Variants in GDA observed in about 807,000 individuals in gnomAD.
GDA encodes guanine deaminase.
A neutral mutation model predicts 59.6 loss-of-function variants in GDA; 18 were observed. The ratio of observed to expected loss-of-function variants is 0.30; its 90% CI spans 0.21 to 0.45. GDA has a LOEUF of 0.45. Ranked by LOEUF, GDA falls within the 20% of genes least tolerant of loss-of-function variation. The probability of loss-of-function intolerance (pLI) is 1.00; values close to 1 mark genes in which losing one functional copy is unlikely to be tolerated. For synonymous variants in GDA, 201 were observed against 201.1 expected (o/e 1.00, Z 0.00); for missense variants, 427 against 552.3 (o/e 0.77, Z 2.27).
At chr9:72,182,094 AT>A (rs150947151) in intron 1 of GDA, among the ~76,000 whole-genome samples, 8,111 of 151,950 alleles carry the variant, frequency 0.053, 753 homozygotes, top group African/African-American at 0.18. Context: ...TAAATACTTT[AT>A]TTTTTTTCCC....
At chr9:72,144,741 G>T (rs1305540259), upstream of GDA, among the ~76,000 whole-genome samples, 1 of 152,140 alleles carries the variant, frequency 6.6e-6, no homozygotes. Context: ...CGAGGGTGCT[G>T]CCTCTATGGA....
chr9:72,137,536 G>A (rs902274352), intron 1 of GDA, among the ~76,000 whole-genome samples: 3 of 152,076 alleles, frequency 2.0e-5, no homozygotes, highest in East Asian at 3.9e-4. Context: ...GTGAGCCACC[G>A]TGCCTGGCCC....
At chr9:72,165,881 G>A (rs1829243951) in intron 1 of GDA, among the ~76,000 whole-genome samples, 2 of 150,660 alleles carry the variant, frequency 1.3e-5, no homozygotes, top group South Asian at 4.2e-4. Flanking sequence ...CTGGGTGACA[G>A]AGCAAGACTC....
At chr9:72,254,586 A>G (rs1840844972), downstream of GDA, among the ~76,000 whole-genome samples, 1 of 152,238 alleles carries the variant, frequency 6.6e-6, no homozygotes, top group Non-Finnish European at 1.5e-5. Context: ...AGTCATAAGC[A>G]GTCAAATCAA....
chr9:72,126,872 TG>T (rs1332777440), intron 1 of GDA, among the ~76,000 whole-genome samples: 1 of 151,998 alleles, frequency 6.6e-6, no homozygotes, highest in Non-Finnish European at 1.5e-5. Context: ...CGGCAGAACC[TG>T]GTTAGTTTTT....
intron 2 of GDA, among the ~76,000 whole-genome samples, chr9:72,201,966 G>A (rs539208179): frequency 2.6e-4 from 39 of 152,220 alleles, no homozygotes; most frequent in Middle Eastern, 3.4e-3. Context: ...ACCACTGCCC[G>A]TTTGTGGTCC....
chr9:72,239,583 G>A (rs1839386897), intron 10 of GDA, among the ~76,000 whole-genome samples: 2 of 151,946 alleles, frequency 1.3e-5, no homozygotes, highest in Non-Finnish European at 2.9e-5. Context: ...ATACCACATA[G>A]TGATATAATT....
chr9:72,243,880 G>GA (rs1009227730), intron 11 of GDA, among the ~76,000 whole-genome samples: 17 of 152,138 alleles, frequency 1.1e-4, no homozygotes, highest in Non-Finnish European at 2.1e-4. Flanking sequence ...AAATACATGT[G>GA]AAAATTGAAA....
chr9:72,218,838 TA>T (rs1186919332), intron 5 of GDA, among the ~76,000 whole-genome samples: 5 of 152,306 alleles, frequency 3.3e-5, no homozygotes, highest in African/African-American at 1.2e-4. Flanking sequence ...CCGTAGAGCA[TA>T]ATATATTGCA....
downstream of GDA, among the ~76,000 whole-genome samples, chr9:72,258,039 G>A (rs894053624): frequency 6.6e-5 from 10 of 151,648 alleles, no homozygotes; most frequent in Admixed American, 2.0e-4. Flanking sequence ...GGCCAGGTAC[G>A]GTGACTCATG....
chr9:72,182,226 A>AATG (rs1202584072), intron 1 of GDA, among the ~76,000 whole-genome samples: 18 of 152,298 alleles, frequency 1.2e-4, no homozygotes, highest in African/African-American at 3.8e-4. Context: ...CTGGCCCAAT[A>AATG]ATGCCCTTGG....
At chr9:72,193,117 G>A (rs1330354962) in intron 1 of GDA, among the ~76,000 whole-genome samples, 1 of 151,764 alleles carries the variant, frequency 6.6e-6, no homozygotes, top group Non-Finnish European at 1.5e-5. Flanking sequence ...CTCTCTCCTG[G>A]ATTAATCCCT....
intron 2 of GDA, among the ~76,000 whole-genome samples, chr9:72,199,513 A>G (rs1373215991): frequency 6.6e-6 from 1 of 152,212 alleles, no homozygotes; most frequent in African/African-American, 2.4e-5. Flanking sequence ...TGAAAAACAT[A>G]AAGTGACTTG....
At chr9:72,225,385 G>T (rs770587282) in intron 7 of GDA, among the ~76,000 whole-genome samples, 2 of 152,094 alleles carry the variant, frequency 1.3e-5, no homozygotes, top group African/African-American at 2.4e-5. Flanking sequence ...AATTTGAAAA[G>T]ACTTTGTTGG....
At chr9:72,129,112 G>A (rs902138071) in intron 1 of GDA, among the ~76,000 whole-genome samples, 1 of 151,928 alleles carries the variant, frequency 6.6e-6, no homozygotes, top group Non-Finnish European at 1.5e-5. Flanking sequence ...ACAGGCATGC[G>A]CCACCACATC....
intron 1 of GDA, among the ~76,000 whole-genome samples, chr9:72,128,921 G>T (rs1246583826): frequency 6.6e-6 from 1 of 151,532 alleles, no homozygotes; most frequent in Non-Finnish European, 1.5e-5. Flanking sequence ...TTATGTCCTT[G>T]CCTGGCAATG....
intron 2 of GDA, among the ~76,000 whole-genome samples, chr9:72,201,438 G>T (rs1833995333): frequency 6.6e-6 from 1 of 152,192 alleles, no homozygotes; most frequent in Non-Finnish European, 1.5e-5. Flanking sequence ...TCCATGCGAT[G>T]TAGAGGCTTT....
rs895029962 is a variant in GDA, at chr9:72,134,567, AT to A, written c.-100+19743del. On this transcript the variant is annotated intron_variant, in intron 1 of 13. Coordinates refer to the GDA transcript ENST00000545168. ...CAGGCGCCCACCACCATGCCCAGCT[AT>A]TTTTTTTTATTTTTAGTAGAGATTG... 8.8e-4 allele frequency among the ~76,000 whole-genome samples: 132 copies of A among 150,762 alleles called. 2 individuals carry two copies. Among genetic ancestry groups the A allele is most frequent in the African/African-American group, 3.0e-3 (124 of 41,098 alleles).
At chr9:72,162,948 C>T (rs142636590) in intron 1 of GDA, among the ~76,000 whole-genome samples, 367 of 152,272 alleles carry the variant, frequency 2.4e-3, no homozygotes, top group Non-Finnish European at 3.4e-3. Flanking sequence ...TGAGCCAATG[C>T]GCCCTGACAT....
Sources: allele counts gnomAD v4.1 joint callset (sites outside exome capture counted in the v4.1 genomes callset), GRCh38; gene constraint gnomAD v4.1.1; transcripts MANE v1.5; gene names NCBI Gene and HGNC (gene_info 2026-07-23, HGNC 2026-07-21).